The following PDE3A variants were observed in gnomAD, a reference collection of about 807,000 sequenced individuals.
The protein encoded by PDE3A is cGMP-inhibited 3',5'-cyclic phosphodiesterase 3A.
PDE3A carries 43 observed loss-of-function variants against 98.3 expected under a neutral mutation model. The observed-to-expected ratio is 0.44, with a 90% confidence interval of 0.34 to 0.56. The LOEUF is 0.56. Among genes scored for constraint, PDE3A ranks in the 20% least tolerant of loss-of-function variants. PDE3A has a pLI of 0.01. For missense variants in PDE3A, 1,427 were observed against 1,440.7 expected (o/e 0.99, Z 0.15); for synonymous variants, 663 against 567.9 (o/e 1.17, Z -2.38).
intron 1 of PDE3A, among the ~76,000 whole-genome samples, chr12:20,453,016 C>A (rs1945094103): frequency 6.6e-6 from 1 of 152,146 alleles, no homozygotes; most frequent in Non-Finnish European, 1.5e-5. Context: ...CCTTTAGGCA[C>A]CTTCAGAAAG....
At chr12:20,578,117 G>C (rs1432825129) in intron 2 of PDE3A, among the ~76,000 whole-genome samples, 1 of 152,128 alleles carries the variant, frequency 6.6e-6, no homozygotes, top group Non-Finnish European at 1.5e-5. Context: ...TTTGTCTCTA[G>C]GAGTTTCACA....
chr12:20,489,988 T>A (rs1169354508), intron 1 of PDE3A, among the ~76,000 whole-genome samples: 2 of 152,194 alleles, frequency 1.3e-5, no homozygotes, highest in East Asian at 3.8e-4. Context: ...TTGAGTGACA[T>A]CTGGAGGCTT....
chr12:20,654,226 C>G, intron 15 of PDE3A, 21 bp downstream of exon 15: 1 of 1,609,874 alleles, frequency 6.2e-7, no homozygotes, highest in South Asian at 1.1e-5. Context: ...AAACCTAGTT[C>G]TAATGTGTTT....
intron 13 of PDE3A, among the ~76,000 whole-genome samples, 169 bp from the exon 14 acceptor site, chr12:20,650,276 C>G (rs1944886594): frequency 1.3e-5 from 2 of 151,874 alleles, no homozygotes; most frequent in Admixed American, 1.3e-4. Context: ...CTATTTTTAC[C>G]ATTAATTTAC....
intron 13 of PDE3A, among the ~76,000 whole-genome samples, chr12:20,649,672 T>A (rs1247067964): frequency 6.6e-6 from 1 of 152,206 alleles, no homozygotes; most frequent in Non-Finnish European, 1.5e-5. Context: ...ACGCCTATAA[T>A]CTCAACACTT....
chr12:20,403,979 C>T (rs1944181539), intron 1 of PDE3A, among the ~76,000 whole-genome samples: 2 of 152,006 alleles, frequency 1.3e-5, no homozygotes, highest in African/African-American at 4.8e-5. Flanking sequence ...ACTTCAACTT[C>T]CTAATGAATT....
intron 15 of PDE3A, among the ~76,000 whole-genome samples, chr12:20,670,544 T>A (rs1311661794): frequency 6.6e-6 from 1 of 152,128 alleles, no homozygotes; most frequent in Non-Finnish European, 1.5e-5. Context: ...ATTAAGAATC[T>A]CACTCAAAAC....
At position 20,552,977 on chromosome 12, in the gene PDE3A, A is replaced by T; in HGVS notation, c.961-3683A>T. The T allele has an allele frequency of 6.3e-7, 1 of 1,578,306 alleles. No individual in the cohort carries two copies. Among genetic ancestry groups the T allele is most frequent in the Non-Finnish European group, 8.6e-7 (1 of 1,161,014 alleles). On this transcript the variant is annotated intron_variant, in intron 1 of 15. Transcript: ENST00000359062. The surrounding 1 kb of genome is among the most constrained non-coding windows in gnomAD (Gnocchi z 5.1). ...AACCAGCCTCTGCAGACCGTCCTCA[A>T]CCAGCTCTTCCCCGGCTACGGCAAT...
chr12:20,499,037 A>G (rs1292837040), intron 1 of PDE3A, among the ~76,000 whole-genome samples: 3 of 152,180 alleles, frequency 2.0e-5, no homozygotes, highest in Admixed American at 6.6e-5. Context: ...TTTTGGGGCC[A>G]TGGAAAGTAA....
chr12:20,482,936 G>A (rs1445573089), intron 1 of PDE3A, among the ~76,000 whole-genome samples: 1 of 152,102 alleles, frequency 6.6e-6, no homozygotes, highest in African/African-American at 2.4e-5. Flanking sequence ...TGCAAAGTAC[G>A]ATATGACGTA....
intron 1 of PDE3A, among the ~76,000 whole-genome samples, chr12:20,525,274 G>A (rs964563302): frequency 6.6e-6 from 1 of 152,164 alleles, no homozygotes; most frequent in African/African-American, 2.4e-5. Flanking sequence ...CCCAGGAAGT[G>A]TGCTTACAAA....
chr12:20,651,758 G>A (rs914212525), intron 14 of PDE3A, among the ~76,000 whole-genome samples: 1 of 94,594 alleles, frequency 1.1e-5, no homozygotes. Context: ...TTCATATATA[G>A]AATGAAAGAT....
chr12:20,589,563 G>A (rs1943275567), intron 2 of PDE3A, among the ~76,000 whole-genome samples: 1 of 151,884 alleles, frequency 6.6e-6, no homozygotes, highest in Non-Finnish European at 1.5e-5. Context: ...TGGAGACCAG[G>A]GAGACTTAAA....
intron 1 of PDE3A, among the ~76,000 whole-genome samples, chr12:20,528,203 G>T (rs1946562680): frequency 1.3e-5 from 2 of 152,272 alleles, no homozygotes; most frequent in East Asian, 1.9e-4. Context: ...AACCTAGGAG[G>T]TTGTCACACT....
rs562867937 is a variant in PDE3A, at chr12:20,579,022, G to T, written c.1011+22312G>T. 5.9e-5 allele frequency among the ~76,000 whole-genome samples: 9 copies of T among 152,108 alleles called. No homozygotes were observed. In the South Asian group the frequency reaches 1.9e-3, roughly 32 times the overall value. On this transcript the variant is annotated intron_variant, in intron 2 of 15. Transcript: ENST00000359062. Reference sequence around the variant, plus strand: ...TTTTTTTTCTCGGATGTACTTTTAAGATTTGCTGTATTTCTGTGTCCTTTA... The same window carrying T: ...TTTTTTTTCTCGGATGTACTTTTAATATTTGCTGTATTTCTGTGTCCTTTA...
At chr12:20,472,401 C>T (rs1052593038) in intron 1 of PDE3A, among the ~76,000 whole-genome samples, 2 of 152,164 alleles carry the variant, frequency 1.3e-5, no homozygotes, top group African/African-American at 4.8e-5. Flanking sequence ...ACAACATCGG[C>T]TCCTCCTTTC....
chr12:20,558,570 A>G (rs1459058131), intron 2 of PDE3A, among the ~76,000 whole-genome samples: 3 of 151,924 alleles, frequency 2.0e-5, no homozygotes, highest in Non-Finnish European at 4.4e-5. Context: ...GATAAGAACA[A>G]TAAGAACCAT....
rs1218336869 is a variant in PDE3A at position 20,687,791 on chromosome 12, A to C, written c.*7520A>C. On this transcript the variant is annotated 3_prime_UTR_variant, in exon 16 of 16. Transcript: ENST00000359062. ...TAGGATATGTGACTGAAGGAAATTTAATCTGAATTTAGAGTGTTTTAGGTT... is the reference window on the plus strand; with the variant it reads ...TAGGATATGTGACTGAAGGAAATTTCATCTGAATTTAGAGTGTTTTAGGTT... Among the ~76,000 whole-genome samples, 1 of 151,738 alleles carries C rather than the reference A, an allele frequency of 6.6e-6. No individual in the cohort carries two copies. The highest frequency in any genetic ancestry group is 6.6e-5 in the Admixed American group (1 of 15,190).
chr12:20,426,083 A>C (rs1464390543), intron 1 of PDE3A, among the ~76,000 whole-genome samples: 4 of 152,220 alleles, frequency 2.6e-5, no homozygotes, highest in African/African-American at 9.6e-5. Flanking sequence ...TTGAATATTC[A>C]AGACTTCTTG....
Sources: allele counts gnomAD v4.1 joint callset (sites outside exome capture counted in the v4.1 genomes callset), GRCh38; gene constraint gnomAD v4.1.1; non-coding constraint Gnocchi (gnomAD v3.1); transcripts MANE v1.5; gene names NCBI Gene and HGNC (gene_info 2026-07-23, HGNC 2026-07-21).